The following ERI2 variants were observed in gnomAD, a reference collection of about 807,000 sequenced individuals.
ERI2 encodes ERI1 exoribonuclease 2.
A neutral mutation model predicts 46.8 loss-of-function variants in ERI2; 35 were observed. The observed-to-expected ratio is 0.75, with a 90% CI of 0.57 to 0.99. ERI2 has a LOEUF of 0.99. Among genes scored for constraint, ERI2 ranks in the 50% least tolerant of loss-of-function variants. The probability of loss-of-function intolerance (pLI) is 0.00; values close to 1 mark genes in which losing one functional copy is unlikely to be tolerated. For synonymous variants in ERI2, 224 were observed against 271.0 expected (o/e 0.83, Z 1.70); for missense variants, 695 against 796.2 (o/e 0.87, Z 1.53).
chr16:20,794,878 T>C (rs2080687272), downstream of ERI2, among the ~76,000 whole-genome samples: 1 of 152,242 alleles, frequency 6.6e-6, no homozygotes, highest in Non-Finnish European at 1.5e-5. Flanking sequence ...TGTTAGGTTG[T>C]TCCTTGTTAA....
At chr16:20,788,144 T>C (rs184665214) in intron 10 of ERI2, among the ~76,000 whole-genome samples, 4 of 152,274 alleles carry the variant, frequency 2.6e-5, no homozygotes, top group Admixed American at 2.6e-4. Context: ...TTGAAAAGCT[T>C]ATCTAAGAAA....
intron 8 of ERI2, 77 bp from the exon 9 acceptor site, chr16:20,799,144 A>G (rs2080768773): frequency 2.0e-6 from 3 of 1,493,004 alleles, no homozygotes; most frequent in African/African-American, 2.8e-5. Context: ...GTTTTATGAC[A>G]AAAAAGAGAA....
chr16:20,797,014 A>G lies in ERI2; in HGVS notation c.*710T>C, dbSNP rs1186904021. On this transcript the variant is annotated 3_prime_UTR_variant, in exon 9 of 9. Coordinates refer to ENST00000357967, the MANE Select transcript of ERI2 (RefSeq NM_001142725.2). Reference sequence around the variant, plus strand: ...ACCATATCTATAAAACAAACATAGTATCTGTCAATCTCTAGAAACCACAAG... The same window carrying G: ...ACCATATCTATAAAACAAACATAGTGTCTGTCAATCTCTAGAAACCACAAG... The G allele has an allele frequency of 6.3e-7, 1 of 1,596,576 alleles. No homozygotes were observed. The highest frequency in any genetic ancestry group is 8.5e-7 in the Non-Finnish European group (1 of 1,174,144).
intron 10 of ERI2, among the ~76,000 whole-genome samples, chr16:20,787,692 C>T (rs2080504320): frequency 6.6e-6 from 1 of 152,140 alleles, no homozygotes; most frequent in Admixed American, 6.5e-5. Context: ...CTCACTTTAA[C>T]CTTGCTGTGG....
chr16:20,805,478 A>G (rs1455205163), intron 1 of ERI2, among the ~76,000 whole-genome samples: 1 of 152,214 alleles, frequency 6.6e-6, no homozygotes, highest in African/African-American at 2.4e-5. Flanking sequence ...GTTCCTCTTC[A>G]AAGACTTCCT....
downstream of ERI2, among the ~76,000 whole-genome samples, chr16:20,794,915 A>C (rs931106738): frequency 6.6e-5 from 10 of 152,190 alleles, no homozygotes; most frequent in African/African-American, 2.4e-4. Context: ...GTAGTTTAAA[A>C]AGATAAAAGA....
rs367612552 is a variant in ERI2, at chr16:20,781,175, C to T, written c.895-441G>A. 46 of 1,601,912 alleles carry T rather than the reference C, an allele frequency of 2.9e-5. No homozygotes were observed. In the African/African-American group the frequency reaches 5.0e-4, roughly 17 times the overall value. The stretch of plus-strand genomic sequence containing the variant: ...GGTCAATATTTAGAAATGCATTAAG[C>T]AGTATGGCTGACAGAACTGGTGAAT... On this transcript the variant is annotated intron_variant, in intron 10 of 10. Transcript: ENST00000300005.
intron 6 of ERI2, 106 bp from the exon 7 acceptor site, chr16:20,800,144 T>G (rs934885921): frequency 5.6e-6 from 5 of 893,656 alleles, no homozygotes; most frequent in Non-Finnish European, 8.7e-6. Flanking sequence ...AATGTGCTTA[T>G]TTTTTGTGTG....
At chr16:20,780,764 T>C (rs757774573) in intron 10 of ERI2, 154 of 1,614,096 alleles carry the variant, frequency 9.5e-5, no homozygotes, top group Non-Finnish European at 1.2e-4. Flanking sequence ...AATGAGATCA[T>C]GGCCATATTC....
At chr16:20,805,922 A>G (rs902113782) in intron 1 of ERI2, 8 of 994,216 alleles carry the variant, frequency 8.0e-6, no homozygotes, top group Non-Finnish European at 9.6e-6. Context: ...TCTCCTGGCA[A>G]AACTGCTGGC....
chr16:20,790,610 T>A lies in ERI2; in HGVS notation c.815+240A>T. On this transcript the variant is annotated intron_variant, in intron 9 of 10. Coordinates refer to the ERI2 transcript ENST00000300005. This position sits in a 1 kb window ranked among gnomAD's most constrained non-coding sequence, Gnocchi z 4.0. The stretch of plus-strand genomic sequence containing the variant: ...AGATTGTAGATGTAAATGGCAATGT[T>A]CTACCTCCTGGACAAGAAGGAGATA... 1 of 1,614,152 alleles carries A rather than the reference T, an allele frequency of 6.2e-7. No individual in the cohort carries two copies. Among genetic ancestry groups the A allele is most frequent in the South Asian group, 1.1e-5 (1 of 91,084 alleles).
chr16:20,791,909 C>A, downstream of ERI2: 1 of 1,462,304 alleles, frequency 6.8e-7, no homozygotes. Context: ...GCCTGGGTAA[C>A]AGAGTGAGAC....
intron 10 of ERI2, chr16:20,780,776 T>C: frequency 6.2e-7 from 1 of 1,614,188 alleles, no homozygotes; most frequent in Non-Finnish European, 8.5e-7. Context: ...GCCATATTCT[T>C]TACCAGTGGA....
chr16:20,799,567 T>C, intron 7 of ERI2: 1 of 553,632 alleles, frequency 1.8e-6, no homozygotes, highest in Non-Finnish European at 3.2e-6. Flanking sequence ...TCCACATTTA[T>C]AGAGGAGGAT....
chr16:20,791,057 G>T (rs1016531574), intron 8 of ERI2: 4 of 902,522 alleles, frequency 4.4e-6, no homozygotes, highest in East Asian at 2.6e-5. Context: ...CAGGGGATGC[G>T]GGGGTGGTGG....
intron 1 of ERI2, among the ~76,000 whole-genome samples, chr16:20,804,533 G>A (rs1483578236): frequency 6.6e-6 from 1 of 152,058 alleles, no homozygotes; most frequent in African/African-American, 2.4e-5. Context: ...GGGCGTGATG[G>A]TGCATACCTG....
Position 20,797,616 on chromosome 16 carries a change from T to G in ERI2, c.*108A>C. ...TGGTTCCTGAAGAAAGTATGGTAAA[T>G]GCAGTAAACATTAATATATAAAATA... On this transcript the variant is annotated 3_prime_UTR_variant, in exon 9 of 9. Transcript: ENST00000357967. 7.4e-7 allele frequency: 1 copy of G among 1,343,506 alleles called. No individual in the cohort carries two copies. The highest frequency in any genetic ancestry group is 2.8e-5 in the East Asian group (1 of 36,292). 83.2% of individuals were successfully genotyped at this position (1,343,506 alleles called of 1,614,324 possible).
chr16:20,791,111 C>A (rs1326619229), intron 8 of ERI2, among the ~76,000 whole-genome samples: 1 of 152,194 alleles, frequency 6.6e-6, no homozygotes, highest in African/African-American at 2.4e-5. Flanking sequence ...AAGCTCCTTA[C>A]TGTTTACAAC....
rs564689331 is a variant in ERI2, at chr16:20,800,187, G to A, written c.561+115C>T. On this transcript the variant is annotated intron_variant, in intron 6 of 8. Coordinates refer to ENST00000357967, the MANE Select transcript of ERI2 (RefSeq NM_001142725.2). ...TAAATACTTTAAGAAATGCATTTAT[G>A]TGACCAGTACAAAAGAAAGTATCTT... The A allele has an allele frequency of 3.6e-6, 3 of 843,020 alleles. No individual in the cohort carries two copies. The Admixed American group carries it at 7.6e-5, about 21-fold the overall frequency. 52.2% of individuals were successfully genotyped at this position (843,020 alleles called of 1,614,324 possible).
Sources: allele counts gnomAD v4.1 joint callset (sites outside exome capture counted in the v4.1 genomes callset), GRCh38; gene constraint gnomAD v4.1.1; non-coding constraint Gnocchi (gnomAD v3.1); transcripts MANE v1.5; gene names NCBI Gene and HGNC (gene_info 2026-07-23, HGNC 2026-07-21).